The following ZNF804B variants were observed in gnomAD, a reference collection of about 807,000 sequenced individuals.
ZNF804B encodes zinc finger protein 804B.
A neutral mutation model predicts 101.4 loss-of-function variants in ZNF804B; 80 were observed. The ratio of observed to expected loss-of-function variants is 0.79; its 90% CI spans 0.66 to 0.95. The LOEUF is 0.95. Among genes scored for constraint, ZNF804B ranks in the 40% least tolerant of loss-of-function variants. ZNF804B has a pLI of 0.00. For synonymous variants in ZNF804B, 622 were observed against 558.8 expected (o/e 1.11, Z -1.59); for missense variants, 1,673 against 1,561.9 (o/e 1.07, Z -1.20).
At chr7:88,897,497 T>C (rs1158683808) in intron 1 of ZNF804B, among the ~76,000 whole-genome samples, 1 of 149,870 alleles carries the variant, frequency 6.7e-6, no homozygotes, top group Admixed American at 6.6e-5. Context: ...ATTCCAGAAA[T>C]GTAGGGGATT....
At chr7:89,226,845 T>C (rs1789097313) in intron 2 of ZNF804B, among the ~76,000 whole-genome samples, 1 of 152,164 alleles carries the variant, frequency 6.6e-6, no homozygotes, top group South Asian at 2.1e-4. Flanking sequence ...ATTTCATCAA[T>C]TTTGCATCAC....
chr7:88,764,770 G>A (rs1455845532), intron 1 of ZNF804B, among the ~76,000 whole-genome samples: 1 of 152,086 alleles, frequency 6.6e-6, no homozygotes, highest in Non-Finnish European at 1.5e-5. Flanking sequence ...TGCTCTTAAA[G>A]TGATGCACTT....
intron 1 of ZNF804B, among the ~76,000 whole-genome samples, chr7:89,021,507 A>G (rs144131025): frequency 0.011 from 1,691 of 152,204 alleles, 10 homozygotes; most frequent in Non-Finnish European, 0.017. Context: ...TGCCAACCTG[A>G]TTGTGTGTCT....
chr7:89,192,123 A>G (rs1374954931), intron 1 of ZNF804B, among the ~76,000 whole-genome samples: 1 of 152,122 alleles, frequency 6.6e-6, no homozygotes, highest in African/African-American at 2.4e-5. Context: ...GTTTGTTGAG[A>G]TATAATACAC....
At chr7:88,872,345 A>G (rs1475287772) in intron 1 of ZNF804B, among the ~76,000 whole-genome samples, 2 of 152,154 alleles carry the variant, frequency 1.3e-5, no homozygotes, top group Admixed American at 6.5e-5. Context: ...TTAACCTAGC[A>G]GTTTGAGGCT....
intron 1 of ZNF804B, among the ~76,000 whole-genome samples, chr7:88,994,022 A>G (rs1793884623): frequency 6.6e-6 from 1 of 151,888 alleles, no homozygotes; most frequent in African/African-American, 2.4e-5. Context: ...TGTAACAAGT[A>G]TTTTTCTATG....
rs1164874065 is a variant in ZNF804B, at chr7:88,854,398, TCTTTCTTTCTTTCTTC to T, written c.108+94330_108+94345del. ...TCTTTCTGTACTGCATTTCTTTCTT[TCTTTCTTTCTTTCTTC>T]CTTTCTTTCTTTCTTTCTTTCTTTC... On this transcript the variant is annotated intron_variant, in intron 1 of 3. Coordinates refer to ENST00000333190, the MANE Select transcript of ZNF804B (RefSeq NM_181646.5). Among the ~76,000 whole-genome samples the T allele has an allele frequency of 4.6e-4, 62 of 134,922 alleles. 3 individuals are homozygous for T. The highest frequency in any genetic ancestry group is 1.5e-3 in the African/African-American group (50 of 32,354). 88.5% of individuals were successfully genotyped at this position (134,922 alleles called of 152,430 possible).
At chr7:89,183,046 T>G (rs530051426) in intron 1 of ZNF804B, among the ~76,000 whole-genome samples, 2 of 152,188 alleles carry the variant, frequency 1.3e-5, no homozygotes, top group East Asian at 3.9e-4. Context: ...TGGGGGCTCA[T>G]GTCTGGTAAA....
At chr7:88,914,485 C>T (rs1213574000) in intron 1 of ZNF804B, among the ~76,000 whole-genome samples, 1 of 152,098 alleles carries the variant, frequency 6.6e-6, no homozygotes, top group Non-Finnish European at 1.5e-5. Context: ...AATTTTTTGA[C>T]CCTAGCCAGC....
chr7:88,995,314 TAAAC>T (rs780214692), intron 1 of ZNF804B, among the ~76,000 whole-genome samples: 8 of 152,058 alleles, frequency 5.3e-5, no homozygotes, highest in Non-Finnish European at 1.0e-4. Context: ...ACTTAAGTGA[TAAAC>T]AATATATATG....
intron 2 of ZNF804B, among the ~76,000 whole-genome samples, chr7:89,307,827 C>A (rs1790588125): frequency 6.6e-6 from 1 of 151,890 alleles, no homozygotes; most frequent in African/African-American, 2.4e-5. Flanking sequence ...GAAAATACAA[C>A]CCAGTTTATT....
chr7:88,885,631 A>G (rs1792114747), intron 1 of ZNF804B, among the ~76,000 whole-genome samples: 1 of 150,310 alleles, frequency 6.7e-6, no homozygotes, highest in Non-Finnish European at 1.5e-5. Flanking sequence ...GTTTTGATAA[A>G]AAGTCTATTA....
intron 1 of ZNF804B, among the ~76,000 whole-genome samples, chr7:89,076,535 C>T (rs927908031): frequency 1.4e-4 from 22 of 152,010 alleles, no homozygotes; most frequent in African/African-American, 5.1e-4. Context: ...TCATCAGCAG[C>T]ATGAAAATGG....
At chr7:88,830,546 A>C (rs1043759360) in intron 1 of ZNF804B, among the ~76,000 whole-genome samples, 2 of 151,852 alleles carry the variant, frequency 1.3e-5, no homozygotes, top group African/African-American at 4.8e-5. Flanking sequence ...TTAAACTTTT[A>C]TTTTGAAATA....
chr7:89,169,208 G>A (rs527841447), intron 1 of ZNF804B, among the ~76,000 whole-genome samples: 5 of 152,242 alleles, frequency 3.3e-5, no homozygotes, highest in African/African-American at 9.6e-5. Flanking sequence ...GACAGTGAAC[G>A]AAACCTCAGC....
Position 88,995,641 on chromosome 7 carries a change from T to C in ZNF804B, c.109-222514T>C, listed in dbSNP as rs145031429. On this transcript the variant is annotated intron_variant, in intron 1 of 3. Transcript: ENST00000333190. ...TATGACTTATGTTATAGAACATAAC[T>C]CCTCACTCTTTAAGGGGGAGATGTG... is the stretch of plus-strand genomic sequence containing the variant. Among the ~76,000 whole-genome samples, 1,403 of 152,064 alleles carry C rather than the reference T, an allele frequency of 9.2e-3. 13 individuals are homozygous for C. The highest frequency in any genetic ancestry group is 0.016 in the Non-Finnish European group (1,117 of 67,974).
chr7:89,133,608 C>T (rs1790584378), intron 1 of ZNF804B, among the ~76,000 whole-genome samples: 1 of 152,008 alleles, frequency 6.6e-6, no homozygotes, highest in Admixed American at 6.6e-5. Context: ...GTGTTCCATA[C>T]AAAAGTCACT....
intron 1 of ZNF804B, among the ~76,000 whole-genome samples, chr7:88,906,029 A>G (rs1194625661): frequency 1.3e-5 from 2 of 149,950 alleles, no homozygotes; most frequent in Non-Finnish European, 3.0e-5. Flanking sequence ...CCAGGAATTT[A>G]TCCATTTTCT....
At chr7:88,802,951 G>GT (rs1352036624) in intron 1 of ZNF804B, among the ~76,000 whole-genome samples, 1 of 152,084 alleles carries the variant, frequency 6.6e-6, no homozygotes, top group African/African-American at 2.4e-5. Context: ...ACCCCCTTAA[G>GT]TTTTCCAGTC....
Sources: allele counts gnomAD v4.1 joint callset (sites outside exome capture counted in the v4.1 genomes callset), GRCh38; gene constraint gnomAD v4.1.1; transcripts MANE v1.5; gene names NCBI Gene and HGNC (gene_info 2026-07-23, HGNC 2026-07-21).